ITGA9: variants seen among roughly 807,000 people sequenced by gnomAD.
ITGA9 encodes integrin subunit alpha 9.
ITGA9 carries 56 observed loss-of-function variants against 127.8 expected under a neutral mutation model. That is an observed-to-expected ratio of 0.44 (90% CI 0.35 to 0.55). The LOEUF (loss-of-function observed/expected upper bound fraction) is 0.55, where lower values mean the gene tolerates loss of function less well. Ranked by LOEUF, ITGA9 falls within the 20% of genes least tolerant of loss-of-function variation. The pLI is 0.00. For synonymous variants in ITGA9, 508 were observed against 514.5 expected (o/e 0.99, Z 0.17); for missense variants, 1,196 against 1,347.1 (o/e 0.89, Z 1.76).
chr3:37,737,364 T>C (rs1696376211), intron 20 of ITGA9, among the ~76,000 whole-genome samples: 1 of 152,230 alleles, frequency 6.6e-6, no homozygotes, highest in African/African-American at 2.4e-5. Context: ...CTGCTGCTTT[T>C]GGACATGGTG....
Position 37,821,228 on chromosome 3 carries a change from G to A in ITGA9, c.*2239G>A, listed in dbSNP as rs951784429. The A allele has an allele frequency of 6.6e-6, 1 of 152,248 alleles. No individual in the cohort carries two copies. The highest frequency in any genetic ancestry group is 1.5e-5 in the Non-Finnish European group (1 of 68,062). The allele number at this position is 152,248 out of a possible 1,614,324, so 9.4% of individuals were successfully genotyped here. ...CAGAGGTAGCTACAGGGAGCAGGAC[G>A]AGGCAAAGAAAGCAGCTGTCACTCA... On this transcript the variant is annotated 3_prime_UTR_variant, in exon 28 of 28. Coordinates refer to ENST00000264741, the MANE Select transcript of ITGA9 (RefSeq NM_002207.3).
chr3:37,629,102 G>A lies in ITGA9; in HGVS notation c.1690-85G>A. The A allele has an allele frequency of 1.3e-6, 2 of 1,482,856 alleles. No individual in the cohort carries two copies. The highest frequency in any genetic ancestry group is 9.4e-7 in the Non-Finnish European group (1 of 1,062,850). 91.9% of individuals were successfully genotyped at this position (1,482,856 alleles called of 1,614,324 possible). ...GTGAGGATTATATGAGGCAATTCATGTAGAAGGTCTTTGTAAACTGTGAAA... is the reference window on the plus strand; with the variant it reads ...GTGAGGATTATATGAGGCAATTCATATAGAAGGTCTTTGTAAACTGTGAAA... On this transcript the variant is annotated intron_variant, in intron 15 of 27. Coordinates refer to ENST00000264741, the MANE Select transcript of ITGA9 (RefSeq NM_002207.3). The surrounding 1 kb of genome is among the most constrained non-coding windows in gnomAD (Gnocchi z 4.5).
At chr3:37,730,156 T>TACAC (rs374990563) in intron 18 of ITGA9, among the ~76,000 whole-genome samples, 22 of 152,114 alleles carry the variant, frequency 1.4e-4, no homozygotes, top group Admixed American at 1.0e-3. Flanking sequence ...ATGTGTGAGA[T>TACAC]ACACACACAC....
At chr3:37,558,632 T>G (rs1699454141) in intron 15 of ITGA9, among the ~76,000 whole-genome samples, 2 of 152,032 alleles carry the variant, frequency 1.3e-5, no homozygotes, top group Admixed American at 1.3e-4. Context: ...CCCTATTTAT[T>G]GAGTGCTCAT....
chr3:37,590,141 G>C (rs991751173), intron 15 of ITGA9, among the ~76,000 whole-genome samples: 2 of 152,164 alleles, frequency 1.3e-5, no homozygotes, highest in African/African-American at 4.8e-5. Flanking sequence ...ATTGCTTTGG[G>C]AGTTCAGGAC....
intron 4 of ITGA9, among the ~76,000 whole-genome samples, chr3:37,482,609 T>A (rs1333197464): frequency 6.6e-6 from 1 of 152,210 alleles, no homozygotes; most frequent in Non-Finnish European, 1.5e-5. Context: ...CCCTGGGTTT[T>A]CCTAGGTTTC....
At chr3:37,757,434 A>C (rs1245091855) in intron 23 of ITGA9, among the ~76,000 whole-genome samples, 4 of 151,828 alleles carry the variant, frequency 2.6e-5, no homozygotes, top group African/African-American at 9.7e-5. Flanking sequence ...AGGCTAAGGC[A>C]AGAAGATCCT....
intron 23 of ITGA9, among the ~76,000 whole-genome samples, chr3:37,764,660 C>T (rs898464798): frequency 1.3e-5 from 2 of 152,216 alleles, no homozygotes; most frequent in African/African-American, 4.8e-5. Context: ...CCTGGGCCCC[C>T]TGCCCTTGCT....
rs202053731 is a variant in ITGA9, at chr3:37,506,046, T to A, written c.789T>A (p.Asp263Glu). 2 of 1,610,578 alleles carry A rather than the reference T, an allele frequency of 1.2e-6. No individual in the cohort carries two copies. Among genetic ancestry groups the A allele is most frequent in the African/African-American group, 2.7e-5 (2 of 74,982 alleles). Residue 263 changes from aspartate to glutamate, a missense_variant, in exon 7 of 28, where the codon GAT (aspartate) becomes GAA (glutamate). Physicochemically the swap from Asp to Glu is conservative, Grantham distance 45. Transcript: ENST00000264741. ...AGHFSHPSTI[D>E]VVGGAPQDKG... ...ACTTCTCTCACCCGTCCACCATTGA[T>A]GTGGTAGGAGGTGCCCCACAGGACA...
intron 15 of ITGA9, among the ~76,000 whole-genome samples, chr3:37,561,363 C>G (rs145128206): frequency 4.0e-4 from 61 of 152,262 alleles, no homozygotes; most frequent in African/African-American, 1.4e-3. Context: ...CAGTGCAGGT[C>G]TAGTGTCGAA....
chr3:37,601,919 T>C (rs1294505538), intron 15 of ITGA9, among the ~76,000 whole-genome samples: 5 of 152,132 alleles, frequency 3.3e-5, no homozygotes, highest in Non-Finnish European at 7.4e-5. Flanking sequence ...ATTCTACTCA[T>C]GGTGGAAGGA....
chr3:37,789,793 AAG>A, intron 26 of ITGA9: 11 of 243,102 alleles, frequency 4.5e-5, no homozygotes, highest in South Asian at 1.9e-4. Flanking sequence ...AAAAAAAAAA[AAG>A]ACTATGCTCT....
In ITGA9 at chr3:37,505,919, A is replaced by G. The variant is rs1579071142; in HGVS notation, c.743-81A>G. The G allele has an allele frequency of 1.1e-5, 12 of 1,062,076 alleles. No homozygotes were observed. The East Asian group carries it at 3.1e-4, about 27-fold the overall frequency. The allele number at this position is 1,062,076 out of a possible 1,614,324, so 65.8% of individuals were successfully genotyped here. A position where few individuals can be genotyped will look rare whatever the true frequency, so the allele number is the denominator to read the frequency against. On this transcript the variant is annotated intron_variant, in intron 6 of 27. Coordinates refer to ENST00000264741, the MANE Select transcript of ITGA9 (RefSeq NM_002207.3). ...CCAAGAGTAGGGAGCATGCTTGAGA[A>G]ACATTTTCCTCTGATGGATGTTTTT...
intron 23 of ITGA9, among the ~76,000 whole-genome samples, chr3:37,765,834 A>T (rs769046581): frequency 1.4e-4 from 22 of 152,234 alleles, no homozygotes; most frequent in Non-Finnish European, 3.1e-4. Context: ...CTCCCTGCTG[A>T]CTGAAGGCGC....
At chr3:37,724,444 T>A (rs377319123) in intron 18 of ITGA9, among the ~76,000 whole-genome samples, 7 of 152,262 alleles carry the variant, frequency 4.6e-5, no homozygotes, top group East Asian at 1.9e-4. Flanking sequence ...CAACCAATAG[T>A]TTTTCCCCCT....
At chr3:37,533,180 T>C in intron 13 of ITGA9, 134 bp from the exon 14 acceptor site, 1 of 839,524 alleles carries the variant, frequency 1.2e-6, no homozygotes, top group Non-Finnish European at 2.0e-6. Context: ...CTAGCCCTTC[T>C]CTCTTGGGAT....
chr3:37,533,957 G>A (rs1699184010), intron 14 of ITGA9, among the ~76,000 whole-genome samples: 2 of 152,194 alleles, frequency 1.3e-5, no homozygotes, highest in Admixed American at 6.5e-5. Context: ...AGAGGCTTAG[G>A]TTTCTAAAAG....
chr3:37,686,360 A>G (rs1700782379), intron 18 of ITGA9, among the ~76,000 whole-genome samples: 2 of 152,060 alleles, frequency 1.3e-5, no homozygotes, highest in Admixed American at 1.3e-4. Flanking sequence ...AGCATAAATC[A>G]CTCTGCAGAA....
chr3:37,782,506 G>A (rs1436465370), intron 25 of ITGA9, among the ~76,000 whole-genome samples: 1 of 152,234 alleles, frequency 6.6e-6, no homozygotes, highest in Non-Finnish European at 1.5e-5. Context: ...AAGCCTTCAA[G>A]GCTCATTCTC....
Sources: allele counts gnomAD v4.1 joint callset (sites outside exome capture counted in the v4.1 genomes callset), GRCh38; gene constraint gnomAD v4.1.1; non-coding constraint Gnocchi (gnomAD v3.1); transcripts MANE v1.5; gene names NCBI Gene and HGNC (gene_info 2026-07-23, HGNC 2026-07-21).